Variants in IL23R observed in about 807,000 individuals in gnomAD.
The protein encoded by IL23R is interleukin-23 receptor.
Under a neutral mutation model 56.9 loss-of-function variants are expected in IL23R, and 34 were observed. That is an observed-to-expected ratio of 0.60 (90% CI 0.45 to 0.80). The LOEUF (loss-of-function observed/expected upper bound fraction) is 0.80. Ranked by LOEUF, IL23R falls within the 30% of genes least tolerant of loss-of-function variation. The pLI is 0.00. For missense variants in IL23R, 635 were observed against 730.0 expected, an observed-to-expected ratio of 0.87 and a Z score of 1.50; for synonymous variants, 230 against 249.2, an observed-to-expected ratio of 0.92 and a Z score of 0.73.
chr1:67,243,589 T>G (rs7528028), intron 9 of IL23R, among the ~76,000 whole-genome samples: 6,912 of 152,212 alleles, frequency 0.045, 536 homozygotes, highest in African/African-American at 0.16. Context: ...GTTAGTTTGC[T>G]GAGAATGACG....
chr1:67,222,102 C>CTTTTTTTTTTTT (rs72241835), intron 7 of IL23R, among the ~76,000 whole-genome samples: 136 of 58,918 alleles, frequency 2.3e-3, no homozygotes, highest in Non-Finnish European at 2.9e-3. Context: ...TTCTTTCTTT[C>CTTTTTTTTTTTT]TTTTTTTTTT....
At chr1:67,182,712 C>T (rs533419151) in intron 3 of IL23R, 124 bp from the exon 4 acceptor site, 136 of 972,920 alleles carry the variant, frequency 1.4e-4, no homozygotes, top group South Asian at 1.1e-3. Flanking sequence ...AGAAATCGTT[C>T]GTCTTCTGCA....
chr1:67,228,029 TCTTTTCTTTCTTTC>T lies in IL23R; in HGVS notation c.955+8300_955+8313del, dbSNP rs1558254132. ...TTCTTTCTTTCTTTCTTCCTTTCTT[TCTTTTCTTTCTTTC>T]TCTTTCTTTCTTTCTTTCTCTGTCT... is the stretch of plus-strand genomic sequence containing the variant. On this transcript the variant is annotated intron_variant, in intron 7 of 10. Coordinates refer to ENST00000347310, the MANE Select transcript of IL23R (RefSeq NM_144701.3). Among the ~76,000 whole-genome samples, 642 of 98,398 alleles carry T rather than the reference TCTTTTCTTTCTTTC, an allele frequency of 6.5e-3. 73 individuals are homozygous for T. The highest frequency in any genetic ancestry group is 8.9e-3 in the Non-Finnish European group (397 of 44,732). The allele number at this position is 98,398 out of a possible 152,430, so 64.6% of individuals were successfully genotyped here.
chr1:67,150,326 C>T lies in IL23R; in HGVS notation c.-634+11165C>T, dbSNP rs116379259. Among the ~76,000 whole-genome samples, 979 of 136,046 alleles carry T rather than the reference C, an allele frequency of 7.2e-3. 9 individuals carry two copies. Among genetic ancestry groups the T allele is most frequent in the African/African-American group, 0.026 (940 of 36,490 alleles). 89.3% of individuals were successfully genotyped at this position (136,046 alleles called of 152,430 possible). On this transcript the variant is annotated intron_variant, in intron 1 of 10. Transcript: ENST00000637002. ...TGTGCAGGTTCATTACATAGGTATA[C>T]ATTTGCCATGGTGGTTTGCTGCAAC...
Position 67,205,686 on chromosome 1 carries a change from T to C in IL23R, c.653-1224T>C, listed in dbSNP as rs571279643. Among the ~76,000 whole-genome samples the C allele has an allele frequency of 1.2e-4, 18 of 152,344 alleles. No homozygotes were observed. The East Asian group carries it at 2.7e-3, about 23-fold the overall frequency. ...CTGTGAAGGTTATTATTATAGAACA[T>C]GCCAACAATTTACAAAGCCTTAGAG... On this transcript the variant is annotated intron_variant, in intron 5 of 10. Transcript: ENST00000347310.
chr1:67,232,244 T>G (rs537646463), intron 7 of IL23R, among the ~76,000 whole-genome samples: 1 of 152,246 alleles, frequency 6.6e-6, no homozygotes, highest in Non-Finnish European at 1.5e-5. Context: ...AAGTAGTCGG[T>G]TTTAAGAAGA....
At chr1:67,236,624 T>C (rs1299983058) in intron 7 of IL23R, 89 bp from the exon 8 acceptor site, 1 of 806,268 alleles carries the variant, frequency 1.2e-6, no homozygotes, top group Non-Finnish European at 2.2e-6. Context: ...ACTTTAGTCA[T>C]CTCTAAACAA....
At chr1:67,182,793 C>A in intron 3 of IL23R, 43 bp from the exon 4 acceptor site, 1 of 1,611,918 alleles carries the variant, frequency 6.2e-7, no homozygotes, top group Non-Finnish European at 8.5e-7. Flanking sequence ...CAGAGAACTT[C>A]GTATTTCTTA....
intron 4 of IL23R, 131 bp downstream of exon 4, chr1:67,183,090 C>A: frequency 9.3e-7 from 1 of 1,073,008 alleles, no homozygotes; most frequent in Non-Finnish European, 1.4e-6. Flanking sequence ...TTATTTCCTA[C>A]TTATGATCAG....
intron 5 of IL23R, 97 bp from the exon 6 acceptor site, chr1:67,206,813 G>C: frequency 8.0e-7 from 1 of 1,245,312 alleles, no homozygotes; most frequent in Non-Finnish European, 1.1e-6. Context: ...TTTTTACTTT[G>C]AGCTTTCTCA....
chr1:67,254,080 A>T (rs940210945), intron 9 of IL23R, among the ~76,000 whole-genome samples: 31 of 151,828 alleles, frequency 2.0e-4, no homozygotes, highest in African/African-American at 7.5e-4. Flanking sequence ...ATTTATTATT[A>T]TTTTTTGAGA....
chr1:67,168,303 A>G, intron 2 of IL23R, 113 bp downstream of exon 2: 1 of 870,254 alleles, frequency 1.1e-6, no homozygotes, highest in East Asian at 2.5e-5. Context: ...ATATTATTAG[A>G]CTAGAAAAAA....
At chr1:67,185,109 G>A (rs1180594212) in intron 4 of IL23R, among the ~76,000 whole-genome samples, 1 of 152,168 alleles carries the variant, frequency 6.6e-6, no homozygotes, top group East Asian at 1.9e-4. Flanking sequence ...TTTATAAATT[G>A]CCTAGTCTAA....
chr1:67,256,525 C>G (rs1398457274), intron 10 of IL23R, among the ~76,000 whole-genome samples: 1 of 152,144 alleles, frequency 6.6e-6, no homozygotes. Flanking sequence ...TATGTGTGTT[C>G]CTGATAACCC....
chr1:67,220,206 T>G (rs549989964), intron 7 of IL23R, among the ~76,000 whole-genome samples: 17 of 151,854 alleles, frequency 1.1e-4, no homozygotes, highest in African/African-American at 4.1e-4. Context: ...CTGTCTCTAC[T>G]AAAAATACGA....
At chr1:67,196,795 C>T (rs1648188671) in intron 4 of IL23R, among the ~76,000 whole-genome samples, 1 of 152,172 alleles carries the variant, frequency 6.6e-6, no homozygotes, top group Admixed American at 6.5e-5. Context: ...GCTTAACCTT[C>T]TTTAGTAATT....
At chr1:67,197,007 G>T (rs1356941674) in intron 4 of IL23R, among the ~76,000 whole-genome samples, 1 of 152,212 alleles carries the variant, frequency 6.6e-6, no homozygotes, top group Non-Finnish European at 1.5e-5. Context: ...AGGTATGCGT[G>T]AGACACACAT....
At chr1:67,160,832 G>T (rs1344099933) in intron 1 of IL23R, among the ~76,000 whole-genome samples, 1 of 152,118 alleles carries the variant, frequency 6.6e-6, no homozygotes, top group East Asian at 1.9e-4. Context: ...CTACAGGTAT[G>T]TGCCACCATG....
intron 4 of IL23R, among the ~76,000 whole-genome samples, chr1:67,183,775 T>C (rs1647198931): frequency 6.6e-6 from 1 of 152,136 alleles, no homozygotes; most frequent in South Asian, 2.1e-4. Context: ...GACCCTCAGA[T>C]CTTAAATTTA....
Sources: allele counts gnomAD v4.1 joint callset (sites outside exome capture counted in the v4.1 genomes callset), GRCh38; gene constraint gnomAD v4.1.1; transcripts MANE v1.5; gene names NCBI Gene and HGNC (gene_info 2026-07-23, HGNC 2026-07-21).